Variants in FAU observed in about 807,000 individuals in gnomAD.
FAU encodes ubiquitin-like FUBI-ribosomal protein eS30 fusion protein.
For synonymous variants in FAU, 70 were observed against 69.9 expected, an observed-to-expected ratio of 1.00 and a Z score of -0.01; for missense variants, 125 against 173.9, an observed-to-expected ratio of 0.72 and a Z score of 1.58.
chr11:65,121,855 C>CA, intron 1 of FAU, 34 bp from the exon 2 acceptor site: 2 of 1,601,378 alleles, frequency 1.2e-6, no homozygotes, highest in Non-Finnish European at 1.7e-6. Context: ...TAAGAGAAGC[C>CA]AAGAAATGCT....
chr11:65,121,949 G>A, intron 1 of FAU, 128 bp from the exon 2 acceptor site: 8 of 899,884 alleles, frequency 8.9e-6, no homozygotes, highest in South Asian at 4.6e-5. Flanking sequence ...ACGTGGGGAA[G>A]GCCAGGCCTC....
In FAU at chr11:65,121,652, G is replaced by A. The variant is rs367824249; in HGVS notation, c.76-8C>T. ...CAGTGAGGCTACATGAGCCTACAGG[G>A]AAAGATAAGGCTCGTAAGCGTTCCC... On this transcript the variant is annotated splice_region_variant and splice_polypyrimidine_tract_variant and intron_variant, in intron 2 of 4. Coordinates refer to ENST00000529639, the MANE Select transcript of FAU (RefSeq NM_001997.5). 15 of 1,613,718 alleles carry A rather than the reference G, an allele frequency of 9.3e-6. No individual in the cohort carries two copies. Among genetic ancestry groups the A allele is most frequent in the South Asian group, 2.2e-5 (2 of 91,088 alleles).
chr11:65,121,957 C>T, intron 1 of FAU, 133 bp downstream of exon 1: 1 of 838,876 alleles, frequency 1.2e-6, no homozygotes, highest in Non-Finnish European at 1.9e-6. Context: ...AAGGCCAGGC[C>T]TCCCAAGGAG....
At chr11:65,121,148 G>A (rs908212017) in intron 3 of FAU, 112 bp from the exon 4 acceptor site, 31 of 1,093,654 alleles carry the variant, frequency 2.8e-5, no homozygotes, top group African/African-American at 6.3e-5. Context: ...AATAGGTAAT[G>A]AGAACAAAGT....
intron 3 of FAU, 81 bp downstream of exon 3, chr11:65,121,419 G>C: frequency 6.6e-7 from 1 of 1,513,894 alleles, no homozygotes; most frequent in Non-Finnish European, 8.9e-7. Flanking sequence ...CCATAGGTGT[G>C]ACACTCAGCT....
chr11:65,121,963 A>G lies in FAU; in HGVS notation c.-9+127T>C, dbSNP rs1191157537. The stretch of plus-strand genomic sequence containing the variant: ...CACGTGGGGAAGGCCAGGCCTCCCA[A>G]GGAGTTCGGATAGGGACTGGAGCAG... On this transcript the variant is annotated intron_variant, in intron 1 of 4. Transcript: ENST00000529639. The G allele has an allele frequency of 2.6e-5, 21 of 799,598 alleles. No homozygotes were observed. The East Asian group carries it at 5.3e-4, about 20-fold the overall frequency. The allele number at this position is 799,598 out of a possible 1,614,324, so 49.5% of individuals were successfully genotyped here.
chr11:65,121,724 A>T lies in FAU; in HGVS notation c.75+15T>A. The T allele has an allele frequency of 6.2e-7, 1 of 1,614,044 alleles. No homozygotes were observed. On this transcript the variant is annotated intron_variant, in intron 2 of 4. Transcript: ENST00000529639. ...CACAAGAAAATGGAACCCAGGGCGC[A>T]CCAAGCAGCCTTACCTTGATCTGGG...
rs1590820585 is a variant in FAU at position 65,120,774 on chromosome 11, T to C, written c.309A>G (p.Thr103=). 1 of 1,614,140 alleles carries C rather than the reference T, an allele frequency of 6.2e-7. No individual in the cohort carries two copies. The highest frequency in any genetic ancestry group is 8.5e-7 in the Non-Finnish European group (1 of 1,180,026). ...ACTGCATCCGCCGCTTAGCCCGACCTGTCTTCTTCTTCTTCTTCTCCTGTT... is the reference window on the plus strand; with the variant it reads ...ACTGCATCCGCCGCTTAGCCCGACCCGTCTTCTTCTTCTTCTTCTCCTGTT... ...VAKQEKKKKK[T]GRAKRRMQYN... Residue 103 remains threonine (T), a synonymous_variant, in exon 5 of 5, where the codon ACA becomes ACG. Coordinates refer to ENST00000529639, the MANE Select transcript of FAU (RefSeq NM_001997.5).
intron 3 of FAU, 33 bp downstream of exon 3, chr11:65,121,467 C>T (rs1354448558): frequency 1.2e-6 from 2 of 1,604,668 alleles, no homozygotes; most frequent in African/African-American, 2.7e-5. Context: ...AGACGCTTAC[C>T]GGTACTTCAA....
At chr11:65,122,130 AAGAGGAAGAAGCGAGGGCGCGTCAGTAC>A in exon 1 of FAU, 1 of 604,038 alleles carries the variant, frequency 1.7e-6, no homozygotes, top group Non-Finnish European at 2.9e-6. Context: ...GGAGTCGAGA[AAGAGGAAGAAGCGAGGGCGCGTCAGTAC>A]AGACCGTGGG....
intron 3 of FAU, 186 bp downstream of exon 3, chr11:65,121,314 T>G: frequency 2.5e-6 from 2 of 812,510 alleles, no homozygotes. Flanking sequence ...ACAACTACAC[T>G]CTGGCTCAGT....
chr11:65,121,718 G>A, intron 2 of FAU, 21 bp downstream of exon 2: 3 of 1,613,986 alleles, frequency 1.9e-6, no homozygotes, highest in East Asian at 2.2e-5. Flanking sequence ...ATGGAACCCA[G>A]GGCGCACCAA....
rs1948041472 is a variant in FAU at position 65,120,963 on chromosome 11, A to G, written c.276+18T>C. On this transcript the variant is annotated intron_variant, in intron 4 of 4. Transcript: ENST00000529639. ...GAAAAAAAGTCCTAACACCATGACC[A>G]CTAATACTCTCACTCACCTTAGGAG... 5 of 1,614,024 alleles carry G rather than the reference A, an allele frequency of 3.1e-6. 1 individual carries two copies. Among genetic ancestry groups the G allele is most frequent in the Non-Finnish European group, 4.2e-6 (5 of 1,179,956 alleles).
chr11:65,121,451 C>G, intron 3 of FAU, 49 bp downstream of exon 3: 7 of 1,592,364 alleles, frequency 4.4e-6, no homozygotes, highest in Non-Finnish European at 6.0e-6. Context: ...GCACCCCACA[C>G]TCACTAGACG....
In FAU at chr11:65,120,813, A is replaced by G. The variant is rs1948039992; in HGVS notation, c.277-7T>C. Reference sequence around the variant, plus strand: ...TCTTCTCCTGTTTGGCCACCTGGAGAAGGGAAGGTTAATCAGGCCCTGGTT... The same window carrying G: ...TCTTCTCCTGTTTGGCCACCTGGAGGAGGGAAGGTTAATCAGGCCCTGGTT... On this transcript the variant is annotated splice_polypyrimidine_tract_variant and splice_region_variant and intron_variant, in intron 4 of 4. Coordinates refer to ENST00000529639, the MANE Select transcript of FAU (RefSeq NM_001997.5). The G allele has an allele frequency of 6.2e-7, 1 of 1,613,924 alleles. No homozygotes were observed. The highest frequency in any genetic ancestry group is 1.1e-5 in the South Asian group (1 of 91,070).
rs1948051536 is a variant in FAU, at chr11:65,121,805, G to C, written c.9C>G (p.Leu3=). Residue 3 remains leucine (L), a synonymous_variant, in exon 2 of 5, where the codon CTC becomes CTG. Coordinates refer to ENST00000529639, the MANE Select transcript of FAU (RefSeq NM_001997.5). MQ[L]FVRAQELHTF... The stretch of plus-strand genomic sequence containing the variant: ...TGTGTAGCTCCTGGGCGCGGACAAA[G>C]AGCTGCATATTGGCGACTGAGTAAA... The C allele has an allele frequency of 6.2e-7, 1 of 1,614,068 alleles. No homozygotes were observed. Among genetic ancestry groups the C allele is most frequent in the African/African-American group, 1.3e-5 (1 of 75,046 alleles).
rs1389523279 is a variant in FAU at position 65,121,455 on chromosome 11, C to G, written c.220+45G>C. 1.9e-6 allele frequency: 3 copies of G among 1,597,440 alleles called. No homozygotes were observed. The African/African-American group carries it at 4.0e-5, about 21-fold the overall frequency. ...GTCAGGACTATGCACCCCACACTCACTAGACGCTTACCGGTACTTCAAAGA... is the reference window on the plus strand; with the variant it reads ...GTCAGGACTATGCACCCCACACTCAGTAGACGCTTACCGGTACTTCAAAGA... On this transcript the variant is annotated intron_variant, in intron 3 of 4. Coordinates refer to ENST00000529639, the MANE Select transcript of FAU (RefSeq NM_001997.5).
chr11:65,121,712 A>G (rs200359369), intron 2 of FAU, 27 bp downstream of exon 2: 1 of 1,613,964 alleles, frequency 6.2e-7, no homozygotes, highest in Non-Finnish European at 8.5e-7. Flanking sequence ...AAGAAAATGG[A>G]ACCCAGGGCG....
In FAU at chr11:65,120,973, TCA is replaced by T; in HGVS notation, c.276+6_276+7del. 2 of 1,613,986 alleles carry T rather than the reference TCA, an allele frequency of 1.2e-6. No individual in the cohort carries two copies. The highest frequency in any genetic ancestry group is 1.7e-6 in the Non-Finnish European group (2 of 1,179,960). ...CCTAACACCATGACCACTAATACTC[TCA>T]CTCACCTTAGGAGTCTGACCTCTCA... On this transcript the variant is annotated splice_donor_region_variant and intron_variant, in intron 4 of 4. Transcript: ENST00000529639.
Sources: gnomAD v4.1 joint callset for allele counts on GRCh38, gnomAD v4.1.1 for gene constraint, MANE v1.5 for transcripts, NCBI Gene and HGNC (gene_info 2026-07-23, HGNC 2026-07-21) for gene names.